The following DENND3 variants were observed in gnomAD, a reference collection of about 807,000 sequenced individuals.
DENND3 encodes DENN domain-containing protein 3.
Under a neutral mutation model 135.1 loss-of-function variants are expected in DENND3, and 88 were observed. The ratio of observed to expected loss-of-function variants is 0.65; its 90% CI spans 0.55 to 0.78. The LOEUF (loss-of-function observed/expected upper bound fraction) is 0.78, where lower values mean the gene tolerates loss of function less well. Ranked by LOEUF, DENND3 falls within the 30% of genes least tolerant of loss-of-function variation. The pLI, the probability that DENND3 is intolerant of heterozygous loss-of-function variation, is 0.00. For missense variants in DENND3, 1,392 were observed against 1,688.4 expected (o/e 0.82, Z 3.08); for synonymous variants, 693 against 712.3 (o/e 0.97, Z 0.43).
At chr8:141,183,799 C>A (rs1319736834) in intron 17 of DENND3, among the ~76,000 whole-genome samples, 1 of 150,296 alleles carries the variant, frequency 6.7e-6, no homozygotes, top group Non-Finnish European at 1.5e-5. Context: ...GCAACAGGCT[C>A]CAGGGCAACG....
chr8:141,166,295 G>A lies in DENND3; in HGVS notation c.1659G>A (p.Met553Ile). ...CCCACAGGCGCATGGTGGTCAGCAT[G>A]CCCAACCTGCAGGACATTGCCATGC... ...HVTHRRMVVS[M>I]PNLQDIAMPE... Residue 553 changes from methionine (M) to isoleucine (I), a missense_variant, in exon 12 of 23, where the codon ATG becomes ATA. By Grantham distance (10) the Met-to-Ile change is conservative (BLOSUM62 1). Transcript: ENST00000519811. This position sits in a 1 kb window ranked among gnomAD's most constrained non-coding sequence, Gnocchi z 4.3. The A allele has an allele frequency of 6.2e-7, 1 of 1,614,044 alleles. No individual in the cohort carries two copies. Among genetic ancestry groups the A allele is most frequent in the Non-Finnish European group, 8.5e-7 (1 of 1,180,036 alleles).
At chr8:141,133,808 TTTTGGA>T (rs200564249) in intron 1 of DENND3, among the ~76,000 whole-genome samples, 1,758 of 152,212 alleles carry the variant, frequency 0.012, 40 homozygotes, top group African/African-American at 0.041. Flanking sequence ...AGATCAGGCT[TTTTGGA>T]AACTAGCAGA....
At chr8:141,148,387 G>GC (rs1818406521) in intron 5 of DENND3, among the ~76,000 whole-genome samples, 1 of 152,186 alleles carries the variant, frequency 6.6e-6, no homozygotes, top group Admixed American at 6.5e-5. Context: ...ACTAGAAACA[G>GC]CCCCACTCTG....
Position 141,194,302 on chromosome 8 carries a change from A to C in DENND3, c.*69A>C. 6.5e-7 allele frequency: 1 copy of C among 1,549,046 alleles called. No homozygotes were observed. The highest frequency in any genetic ancestry group is 8.7e-7 in the Non-Finnish European group (1 of 1,142,940). On this transcript the variant is annotated 3_prime_UTR_variant, in exon 23 of 23. Coordinates refer to ENST00000519811, the MANE Select transcript of DENND3 (RefSeq NM_001352890.3). ...GACTGGCTGCCCCCTAGAGCCTGCC[A>C]GGAGCAGAAGCCTGGAGGGGTGGCA... is the stretch of plus-strand genomic sequence containing the variant.
At chr8:141,143,992 T>G in intron 4 of DENND3, 156 bp from the exon 5 acceptor site, 1 of 609,690 alleles carries the variant, frequency 1.6e-6, no homozygotes, top group Non-Finnish European at 2.8e-6. Context: ...GCCACTCTGC[T>G]GTCACCCAGC....
rs1824868823 is a variant in DENND3, at chr8:141,192,407, A to G, written c.3456A>G (p.Lys1152=). Reference sequence around the variant, plus strand: ...AATTGAAGATTGAGGAGAACTTCAAAGACACCAGTACCTCCTTCCTGGCCT... The same window carrying G: ...AATTGAAGATTGAGGAGAACTTCAAGGACACCAGTACCTCCTTCCTGGCCT... ...HQELKIEENF[K]DTSTSFLAFQ... is the part of the protein sequence containing the mutation. The change falls in exon 21 of 23, where the codon AAA becomes AAG. Residue 1152 remains lysine, a synonymous_variant. Transcript: ENST00000519811. 2 of 1,614,230 alleles carry G rather than the reference A, an allele frequency of 1.2e-6. No homozygotes were observed. Among genetic ancestry groups the G allele is most frequent in the Non-Finnish European group, 1.7e-6 (2 of 1,180,026 alleles).
rs1040237921 is a variant in DENND3 at position 141,174,792 on chromosome 8, G to T, written c.2276-408G>T. Among the ~76,000 whole-genome samples the T allele has an allele frequency of 3.9e-5, 6 of 152,228 alleles. No individual in the cohort carries two copies. The highest frequency in any genetic ancestry group is 2.6e-4 in the Admixed American group (4 of 15,286). On this transcript the variant is annotated intron_variant, in intron 13 of 22. Transcript: ENST00000519811. The surrounding 1 kb of genome is among the most constrained non-coding windows in gnomAD (Gnocchi z 4.6). ...CTTCCCGGCGTTAGCTTCATCCTAG[G>T]ACTAGCTCCCCTTGTGACCCCAAGA...
rs376198947 is a variant in DENND3 at position 141,139,106 on chromosome 8, C to T, written c.501+969C>T. Among the ~76,000 whole-genome samples, 6 of 151,650 alleles carry T rather than the reference C, an allele frequency of 4.0e-5. No individual in the cohort carries two copies. The highest frequency in any genetic ancestry group is 7.4e-5 in the Non-Finnish European group (5 of 67,992). On this transcript the variant is annotated intron_variant, in intron 3 of 22. Coordinates refer to ENST00000519811, the MANE Select transcript of DENND3 (RefSeq NM_001352890.3). This position sits in a 1 kb window ranked among gnomAD's most constrained non-coding sequence, Gnocchi z 4.2. ...TGCTGCACACGTCCAGAGGGTTTCC[C>T]GAAGCAAAAAGCGAGCCGGAGCCTT...
At chr8:141,192,685 C>CCCCAGCATCCCCGGCAGGTCTCGCTTG in intron 22 of DENND3, 22 bp downstream of exon 22, 1 of 1,605,330 alleles carries the variant, frequency 6.2e-7, no homozygotes, top group Non-Finnish European at 8.5e-7. Flanking sequence ...GGCCCGCCAT[C>CCCCAGCATCCCCGGCAGGTCTCGCTTG]CCCAGCATCC....
chr8:141,157,051 G>A (rs550020452), intron 8 of DENND3, among the ~76,000 whole-genome samples: 1 of 152,196 alleles, frequency 6.6e-6, no homozygotes, highest in East Asian at 1.9e-4. Flanking sequence ...CAAAGTGCTA[G>A]GATTACAGGC....
Position 141,182,520 on chromosome 8 carries a change from T to A in DENND3, c.2944+1666T>A. The A allele has an allele frequency of 1.0e-6, 1 of 983,122 alleles. No individual in the cohort carries two copies. The highest frequency in any genetic ancestry group is 1.2e-6 in the Non-Finnish European group (1 of 827,912). 60.9% of individuals were successfully genotyped at this position (983,122 alleles called of 1,614,324 possible). ...TAGGTCCCGGTTGGTTTCCCTGAAATGAAACTCACTCTGAGCTTCCTGTTG... is the reference window on the plus strand; with the variant it reads ...TAGGTCCCGGTTGGTTTCCCTGAAAAGAAACTCACTCTGAGCTTCCTGTTG... On this transcript the variant is annotated intron_variant, in intron 17 of 22. Transcript: ENST00000519811. The surrounding 1 kb of genome is among the most constrained non-coding windows in gnomAD (Gnocchi z 5.9).
chr8:141,191,809 C>G (rs142575777), intron 20 of DENND3: 2 of 152,928 alleles, frequency 1.3e-5, no homozygotes, highest in African/African-American at 4.8e-5. Flanking sequence ...GTTATTTGTT[C>G]TGTTCTTCCT....
chr8:141,176,287 C>CA (rs1274747351), intron 14 of DENND3: 6,176 of 150,866 alleles, frequency 0.041, 3 homozygotes, highest in Middle Eastern at 0.086. Flanking sequence ...AAAAACAAAA[C>CA]AAAAAAAAAA....
chr8:141,183,419 AT>A (rs1224506549), intron 17 of DENND3, among the ~76,000 whole-genome samples: 10,607 of 121,554 alleles, frequency 0.087, 924 homozygotes, highest in African/African-American at 0.24. Context: ...CAATTTTTGT[AT>A]TTTTTTTTTT....
chr8:141,165,091 G>A, intron 10 of DENND3, 95 bp from the exon 11 acceptor site: 1 of 850,318 alleles, frequency 1.2e-6, no homozygotes, highest in Non-Finnish European at 1.9e-6. Flanking sequence ...TGTGAGTGGT[G>A]ATGCCCAGTT....
In DENND3 at chr8:141,174,093, G is replaced by A. The variant is rs1435755906; in HGVS notation, c.2276-1107G>A. On this transcript the variant is annotated intron_variant, in intron 13 of 22. Transcript: ENST00000519811. The surrounding 1 kb of genome is among the most constrained non-coding windows in gnomAD (Gnocchi z 4.6). ...GAGGGATGGGTAGGAGTTTCCTGGT[G>A]TGAGCAGGCAGGATGAGTGTGTGTG... 6.6e-6 allele frequency among the ~76,000 whole-genome samples: 1 copy of A among 152,182 alleles called. No individual in the cohort carries two copies. Among genetic ancestry groups the A allele is most frequent in the Non-Finnish European group, 1.5e-5 (1 of 68,028 alleles).
chr8:141,145,362 C>T (rs971444053), intron 5 of DENND3, among the ~76,000 whole-genome samples: 6 of 152,194 alleles, frequency 3.9e-5, no homozygotes, highest in Non-Finnish European at 7.3e-5. Flanking sequence ...CCAACCTCAA[C>T]CTTCCATGGA....
intron 3 of DENND3, among the ~76,000 whole-genome samples, chr8:141,140,739 C>A (rs1817345316): frequency 6.6e-6 from 1 of 152,226 alleles, no homozygotes; most frequent in South Asian, 2.1e-4. Context: ...GCCCCAAATA[C>A]TTTGCCACTT....
intron 5 of DENND3, chr8:141,150,246 T>C: frequency 8.8e-7 from 1 of 1,134,618 alleles, no homozygotes; most frequent in South Asian, 1.4e-5. Context: ...CCTCCCTCAG[T>C]GAAGGAACTG....
Sources: gnomAD v4.1 joint callset for allele counts (sites outside exome capture counted in the v4.1 genomes callset) on GRCh38, gnomAD v4.1.1 for gene constraint, Gnocchi (gnomAD v3.1) non-coding constraint, MANE v1.5 for transcripts, NCBI Gene and HGNC (gene_info 2026-07-23, HGNC 2026-07-21) for gene names.